Variants in BCAR3 observed in about 807,000 individuals in gnomAD.
BCAR3 encodes the protein breast cancer anti-estrogen resistance protein 3.
A neutral mutation model predicts 80.1 loss-of-function variants in BCAR3; 37 were observed. The observed-to-expected ratio is 0.46, with a 90% CI of 0.36 to 0.61. The LOEUF is 0.61. Ranked by LOEUF, BCAR3 falls within the 20% of genes least tolerant of loss-of-function variation. The probability of loss-of-function intolerance (pLI) is 0.00; values close to 1 mark genes in which losing one functional copy is unlikely to be tolerated. For synonymous variants in BCAR3, 389 were observed against 418.9 expected (o/e 0.93, Z 0.87); for missense variants, 978 against 1,068.2 (o/e 0.92, Z 1.18).
chr1:93,571,261 C>A lies in BCAR3; in HGVS notation c.1974+409G>T, dbSNP rs1377304615. Among the ~76,000 whole-genome samples, 3 of 151,616 alleles carry A rather than the reference C, an allele frequency of 2.0e-5. No individual in the cohort carries two copies. The East Asian group carries it at 5.8e-4, about 29-fold the overall frequency. ...CAGTGGCTCATGCCTGTAATTCCAG[C>A]ACTTCGGGAGGCTGAGGCGGGCAGA... On this transcript the variant is annotated intron_variant, in intron 9 of 11. Transcript: ENST00000260502.
At chr1:93,814,403 G>T (rs182205088) in intron 2 of BCAR3, among the ~76,000 whole-genome samples, 73 of 152,316 alleles carry the variant, frequency 4.8e-4, no homozygotes, top group African/African-American at 1.7e-3. Flanking sequence ...GAGGGCGAAG[G>T]GGTCCCACAG....
At chr1:93,593,398 T>C (rs1251242335) in intron 3 of BCAR3, among the ~76,000 whole-genome samples, 1 of 152,192 alleles carries the variant, frequency 6.6e-6, no homozygotes, top group Non-Finnish European at 1.5e-5. Context: ...CTCACTGTGC[T>C]AGAGCACAGT....
chr1:93,835,673 C>T (rs1022556389), intron 2 of BCAR3, among the ~76,000 whole-genome samples: 5 of 152,216 alleles, frequency 3.3e-5, no homozygotes, highest in African/African-American at 1.2e-4. Context: ...AGTGTTCCAT[C>T]TGCTATTTTA....
rs190317009 is a variant in BCAR3, at chr1:93,632,880, G to A, written c.357+9424C>T. On this transcript the variant is annotated intron_variant, in intron 3 of 11. Coordinates refer to ENST00000260502, the MANE Select transcript of BCAR3 (RefSeq NM_003567.4). ...TAAAAATATAAAAAATTAGCCAGGC[G>A]TGGTGGCGGGTGCCTATAATCCCAG... Among the ~76,000 whole-genome samples, 7 of 152,220 alleles carry A rather than the reference G, an allele frequency of 4.6e-5. No homozygotes were observed. In the East Asian group the frequency reaches 1.2e-3, roughly 25 times the overall value.
At chr1:93,562,643 C>T (rs975612548) in intron 11 of BCAR3, among the ~76,000 whole-genome samples, 7 of 151,602 alleles carry the variant, frequency 4.6e-5, no homozygotes, top group African/African-American at 4.9e-5. Flanking sequence ...TGGTGGCGAG[C>T]GCCTGTAGTC....
chr1:93,608,477 C>T (rs545001146), intron 3 of BCAR3, among the ~76,000 whole-genome samples: 94 of 152,336 alleles, frequency 6.2e-4, no homozygotes, highest in African/African-American at 2.0e-3. Context: ...GCAGGCTGTG[C>T]GGGGAGACCT....
intron 2 of BCAR3, among the ~76,000 whole-genome samples, chr1:93,761,478 C>T (rs1459457540): frequency 1.3e-5 from 2 of 152,168 alleles, no homozygotes; most frequent in Non-Finnish European, 2.9e-5. Flanking sequence ...AGGCAAGGAC[C>T]ACCCTGGACC....
In BCAR3 at chr1:93,592,434, C is replaced by G; in HGVS notation, c.358-41G>C. On this transcript the variant is annotated intron_variant, in intron 3 of 11. Transcript: ENST00000260502. This position sits in a 1 kb window ranked among gnomAD's most constrained non-coding sequence, Gnocchi z 4.8. Reference sequence around the variant, plus strand: ...AACCATGAGCTCACCCTGCCCAGGCCACACCAGGCCATGCCAGCTGGAGGT... The same window carrying G: ...AACCATGAGCTCACCCTGCCCAGGCGACACCAGGCCATGCCAGCTGGAGGT... 6.5e-7 allele frequency: 1 copy of G among 1,541,446 alleles called. No individual in the cohort carries two copies. The highest frequency in any genetic ancestry group is 8.7e-7 in the Non-Finnish European group (1 of 1,152,082).
intron 2 of BCAR3, among the ~76,000 whole-genome samples, chr1:93,733,054 G>A (rs1249755025): frequency 1.3e-5 from 2 of 152,220 alleles, no homozygotes; most frequent in Non-Finnish European, 2.9e-5. Flanking sequence ...GACCAATGCA[G>A]CATTTTACCA....
At chr1:93,713,448 C>A (rs1169953648) in intron 2 of BCAR3, among the ~76,000 whole-genome samples, 1 of 152,162 alleles carries the variant, frequency 6.6e-6, no homozygotes, top group African/African-American at 2.4e-5. Context: ...CTGGTGATGT[C>A]ATCAAGCATG....
intron 2 of BCAR3, among the ~76,000 whole-genome samples, chr1:93,668,577 T>C (rs575609670): frequency 6.6e-6 from 1 of 152,326 alleles, no homozygotes; most frequent in Non-Finnish European, 1.5e-5. Context: ...TTTAAACTTA[T>C]AAAAACATCA....
In BCAR3 at chr1:93,824,770, C is replaced by G. The variant is rs933510606; in HGVS notation, c.-63+20797G>C. Among the ~76,000 whole-genome samples the G allele has an allele frequency of 1.5e-5, 2 of 134,252 alleles. 1 individual carries two copies. Among genetic ancestry groups the G allele is most frequent in the Non-Finnish European group, 3.4e-5 (2 of 59,456 alleles). 88.1% of individuals were successfully genotyped at this position (134,252 alleles called of 152,430 possible). ...ACATATTTTTCATGCGCTCTGCAAG[C>G]CCAAAGCTGCCCACAGGGCCTTTCT... On this transcript the variant is annotated intron_variant, in intron 2 of 13. Coordinates refer to the BCAR3 transcript ENST00000370244.
intron 2 of BCAR3, among the ~76,000 whole-genome samples, chr1:93,815,530 A>C (rs1653985073): frequency 1.3e-5 from 2 of 152,088 alleles, no homozygotes. Context: ...TATAAAGTGA[A>C]CCTCACTTGG....
At chr1:93,737,820 A>G (rs1651028786) in intron 2 of BCAR3, among the ~76,000 whole-genome samples, 1 of 152,162 alleles carries the variant, frequency 6.6e-6, no homozygotes, top group Admixed American at 6.5e-5. Flanking sequence ...ACTGTGCAAC[A>G]ATAAAGCATG....
intron 2 of BCAR3, among the ~76,000 whole-genome samples, chr1:93,746,552 T>C (rs763996155): frequency 4.6e-5 from 7 of 152,172 alleles, no homozygotes; most frequent in Non-Finnish European, 7.3e-5. Flanking sequence ...ATTAAATTTG[T>C]TCTCCCCACA....
intron 2 of BCAR3, among the ~76,000 whole-genome samples, chr1:93,838,243 G>A (rs368750827): frequency 1.3e-5 from 2 of 152,242 alleles, no homozygotes; most frequent in Non-Finnish European, 2.9e-5. Context: ...CTTCCCGCAA[G>A]GGCTTTTGTG....
chr1:93,770,120 G>A (rs887427473), intron 2 of BCAR3, among the ~76,000 whole-genome samples: 1 of 152,182 alleles, frequency 6.6e-6, no homozygotes, highest in Non-Finnish European at 1.5e-5. Flanking sequence ...ACAGAAGGTG[G>A]CTCAACTGTC....
chr1:93,702,590 G>A (rs954033550), intron 3 of BCAR3, among the ~76,000 whole-genome samples: 1 of 152,200 alleles, frequency 6.6e-6, no homozygotes, highest in East Asian at 1.9e-4. Context: ...CCCTGTCTTC[G>A]ATTTGACTCT....
intron 3 of BCAR3, among the ~76,000 whole-genome samples, chr1:93,637,715 A>G (rs1675836538): frequency 6.6e-6 from 1 of 152,206 alleles, no homozygotes; most frequent in Non-Finnish European, 1.5e-5. Context: ...TATCCAAGAT[A>G]CAACATGAAA....
Sources: allele counts gnomAD v4.1 joint callset (sites outside exome capture counted in the v4.1 genomes callset), GRCh38; gene constraint gnomAD v4.1.1; non-coding constraint Gnocchi (gnomAD v3.1); transcripts MANE v1.5; gene names NCBI Gene and HGNC (gene_info 2026-07-23, HGNC 2026-07-21).